The following TOX variants were observed in gnomAD, a reference collection of about 807,000 sequenced individuals.
TOX encodes thymocyte selection-associated high mobility group box protein TOX.
A neutral mutation model predicts 53.7 loss-of-function variants in TOX; 11 were observed. The observed-to-expected ratio is 0.20, with a 90% CI of 0.13 to 0.34. The LOEUF (loss-of-function observed/expected upper bound fraction) is 0.34, where lower values mean the gene tolerates loss of function less well. Ranked by LOEUF, TOX falls within the 10% of genes least tolerant of loss-of-function variation. The pLI is 1.00. For synonymous variants in TOX, 225 were observed against 245.3 expected, an observed-to-expected ratio of 0.92 and a Z score of 0.77; for missense variants, 570 against 664.6, an observed-to-expected ratio of 0.86 and a Z score of 1.56.
At chr8:59,038,731 G>A (rs1803515637) in intron 1 of TOX, among the ~76,000 whole-genome samples, 1 of 152,210 alleles carries the variant, frequency 6.6e-6, no homozygotes, top group Admixed American at 6.5e-5. Flanking sequence ...TGGCTCTTGG[G>A]CTGGTGCACT....
intron 3 of TOX, among the ~76,000 whole-genome samples, chr8:58,872,978 T>G (rs1230667272): frequency 2.6e-5 from 4 of 152,146 alleles, no homozygotes; most frequent in African/African-American, 9.6e-5. Context: ...AACTCTCTAG[T>G]ATTTTCACAA....
In TOX at chr8:58,955,618, T is replaced by C. The variant is rs191499677; in HGVS notation, c.168+4325A>G. On this transcript the variant is annotated intron_variant, in intron 2 of 8. Transcript: ENST00000361421. ...TGTATTAAAAAGACCAGTCCTTCTT[T>C]ATCTTTTCATACAGTACTTCAACTG... Among the ~76,000 whole-genome samples, 55 of 152,328 alleles carry C rather than the reference T, an allele frequency of 3.6e-4. No individual in the cohort carries two copies. The East Asian group carries it at 9.6e-3, about 27-fold the overall frequency.
intron 1 of TOX, among the ~76,000 whole-genome samples, chr8:59,114,939 T>A (rs1408244339): frequency 1.3e-5 from 2 of 152,224 alleles, no homozygotes; most frequent in Non-Finnish European, 2.9e-5. Context: ...ATGTTTGTCC[T>A]GACATTTTCA....
chr8:59,022,738 T>A (rs546469522), intron 1 of TOX, among the ~76,000 whole-genome samples: 1 of 152,216 alleles, frequency 6.6e-6, no homozygotes, highest in East Asian at 1.9e-4. Flanking sequence ...GATTTAAAAG[T>A]GATAATGGAT....
chr8:59,015,944 A>G (rs1035313211), intron 1 of TOX, among the ~76,000 whole-genome samples: 1 of 152,164 alleles, frequency 6.6e-6, no homozygotes, highest in Non-Finnish European at 1.5e-5. Flanking sequence ...ATACTTGGGT[A>G]CCACTAATCT....
chr8:59,045,524 T>A (rs1803666129), intron 1 of TOX, among the ~76,000 whole-genome samples: 1 of 152,212 alleles, frequency 6.6e-6, no homozygotes, highest in South Asian at 2.1e-4. Flanking sequence ...GTTATTTGAA[T>A]AATGGTACAG....
chr8:59,035,851 T>C (rs549357254), intron 1 of TOX, among the ~76,000 whole-genome samples: 10 of 152,258 alleles, frequency 6.6e-5, no homozygotes, highest in Non-Finnish European at 1.3e-4. Context: ...GGTTACCATG[T>C]GCCAGCCAGA....
chr8:59,055,722 C>T (rs1020286863), intron 1 of TOX, among the ~76,000 whole-genome samples: 1 of 152,136 alleles, frequency 6.6e-6, no homozygotes, highest in Non-Finnish European at 1.5e-5. Flanking sequence ...AGGTAGAAAA[C>T]ACTTTAATTT....
chr8:58,901,716 G>C (rs1256448189), intron 3 of TOX, among the ~76,000 whole-genome samples: 1 of 152,140 alleles, frequency 6.6e-6, no homozygotes, highest in African/African-American at 2.4e-5. Context: ...GAAATTTCCA[G>C]TAAGAATGAA....
intron 3 of TOX, among the ~76,000 whole-genome samples, chr8:58,904,900 T>C (rs906324261): frequency 5.3e-5 from 8 of 152,186 alleles, no homozygotes; most frequent in African/African-American, 1.7e-4. Context: ...CTTGTTCTCA[T>C]TCTTGTTTGT....
At chr8:58,883,316 T>C (rs1275059588) in intron 3 of TOX, among the ~76,000 whole-genome samples, 1 of 152,238 alleles carries the variant, frequency 6.6e-6, no homozygotes, top group Non-Finnish European at 1.5e-5. Context: ...GTAAATGGCC[T>C]AAAGGACTTT....
intron 1 of TOX, among the ~76,000 whole-genome samples, chr8:59,039,243 C>CG (rs1298339067): frequency 1.3e-5 from 2 of 152,340 alleles, no homozygotes; most frequent in Admixed American, 1.3e-4. Flanking sequence ...CTCAACCAAC[C>CG]TTCATCAAAT....
At chr8:58,854,446 T>C (rs1297759409) in intron 3 of TOX, among the ~76,000 whole-genome samples, 1 of 152,088 alleles carries the variant, frequency 6.6e-6, no homozygotes, top group Non-Finnish European at 1.5e-5. Context: ...TCTTGCAATC[T>C]TCTAAGATGT....
Position 59,095,995 on chromosome 8 carries a change from G to A in TOX, c.102+22891C>T, listed in dbSNP as rs111548472. On this transcript the variant is annotated intron_variant, in intron 1 of 8. Transcript: ENST00000361421. Reference sequence around the variant, plus strand: ...TTTCTGAACCTCAGTTTCCTTAGCCGTGAAATGGAAATCCAAATGTCCAAC... The same window carrying A: ...TTTCTGAACCTCAGTTTCCTTAGCCATGAAATGGAAATCCAAATGTCCAAC... Among the ~76,000 whole-genome samples, 13 of 152,182 alleles carry A rather than the reference G, an allele frequency of 8.5e-5. 1 individual carries two copies. The highest frequency in any genetic ancestry group is 2.6e-4 in the African/African-American group (11 of 41,522).
At chr8:58,914,099 T>C (rs904633833) in intron 3 of TOX, among the ~76,000 whole-genome samples, 2 of 152,184 alleles carry the variant, frequency 1.3e-5, no homozygotes, top group Non-Finnish European at 2.9e-5. Flanking sequence ...ACAGTGAAGG[T>C]CATAGTTCTA....
At chr8:58,870,345 A>G (rs1376819602) in intron 3 of TOX, among the ~76,000 whole-genome samples, 4 of 152,174 alleles carry the variant, frequency 2.6e-5, no homozygotes, top group East Asian at 3.8e-4. Flanking sequence ...AAACAAGTAC[A>G]GGACTTACAC....
chr8:58,939,245 TC>T, intron 3 of TOX, 56 bp downstream of exon 3: 3 of 1,598,420 alleles, frequency 1.9e-6, no homozygotes, highest in South Asian at 2.3e-5. Context: ...ATGAACTTGG[TC>T]CTTGTCCTTA....
At chr8:58,997,305 A>G (rs1255367026) in intron 1 of TOX, among the ~76,000 whole-genome samples, 1 of 152,152 alleles carries the variant, frequency 6.6e-6, no homozygotes, top group Non-Finnish European at 1.5e-5. Flanking sequence ...GAAATAAGCA[A>G]GAGGAAAGCA....
intron 1 of TOX, among the ~76,000 whole-genome samples, chr8:59,072,000 G>A (rs768641830): frequency 1.3e-5 from 2 of 151,808 alleles, no homozygotes; most frequent in Non-Finnish European, 2.9e-5. Context: ...TTAAAATATC[G>A]AAGAGATCAT....
Sources: gnomAD v4.1 joint callset for allele counts (sites outside exome capture counted in the v4.1 genomes callset) on GRCh38, gnomAD v4.1.1 for gene constraint, MANE v1.5 for transcripts, NCBI Gene and HGNC (gene_info 2026-07-23, HGNC 2026-07-21) for gene names.